Variants in GRIN1 observed in about 807,000 individuals in gnomAD.
GRIN1 encodes glutamate ionotropic receptor NMDA type subunit 1, also known as glutamate receptor ionotropic, NMDA 1.
A neutral mutation model predicts 103.0 loss-of-function variants in GRIN1; 38 were observed. That is an observed-to-expected ratio of 0.37 (90% CI 0.28 to 0.48). The LOEUF is 0.48. Ranked by LOEUF, GRIN1 falls within the 20% of genes least tolerant of loss-of-function variation. The pLI, the probability that GRIN1 is intolerant of heterozygous loss-of-function variation, is 0.98. For synonymous variants in GRIN1, 544 were observed against 532.7 expected (o/e 1.02, Z -0.29); for missense variants, 577 against 1,288.9 (o/e 0.45, Z 8.46).
chr9:137,168,055 G>A lies in GRIN1; in HGVS notation c.*528G>A, dbSNP rs1331586638. The stretch of plus-strand genomic sequence containing the variant: ...GCTGAGGACGGGGCAGAGCTGAGTC[G>A]GCTGGGCAGGGCCGCAGGGCGCTCC... On this transcript the variant is annotated 3_prime_UTR_variant, in exon 20 of 20. Transcript: ENST00000371561. 2 of 607,296 alleles carry A rather than the reference G, an allele frequency of 3.3e-6. No individual in the cohort carries two copies. Among genetic ancestry groups the A allele is most frequent in the East Asian group, 5.6e-5 (2 of 35,732 alleles). The allele number at this position is 607,296 out of a possible 1,614,324, so 37.6% of individuals were successfully genotyped here. A position where few individuals can be genotyped will look rare whatever the true frequency, so the allele number is the denominator to read the frequency against.
Position 137,162,386 on chromosome 9 carries a change from G to T in GRIN1, c.1752-18G>T. 6.4e-7 allele frequency: 1 copy of T among 1,554,026 alleles called. No individual in the cohort carries two copies. On this transcript the variant is annotated intron_variant, in intron 12 of 19. Coordinates refer to ENST00000371561, the MANE Select transcript of GRIN1 (RefSeq NM_007327.4). ...GCCTCTCCCGCCCTCTCTCCCGCCC[G>T]CCCTCTGCGCCCCGCAGCCCCTTCG...
At chr9:137,157,173 C>A in intron 6 of GRIN1, 136 bp downstream of exon 6, 3 of 702,662 alleles carry the variant, frequency 4.3e-6, no homozygotes, top group Non-Finnish European at 6.1e-6. Context: ...GCTCTCAGGA[C>A]TAGGCGGGGC....
At chr9:137,162,328 G>A in intron 12 of GRIN1, 38 bp downstream of exon 12, 2 of 1,551,312 alleles carry the variant, frequency 1.3e-6, no homozygotes, top group Non-Finnish European at 8.7e-7. Flanking sequence ...TCCATCTGCG[G>A]GGCGCGGAGC....
intron 18 of GRIN1, chr9:137,164,119 G>A (rs914794088): frequency 9.9e-5 from 62 of 629,150 alleles, no homozygotes; most frequent in Middle Eastern, 4.2e-4. Context: ...AGCCGGGGCC[G>A]AGGGAGGCCA....
chr9:137,149,109 G>A lies in GRIN1; in HGVS notation c.671G>A (p.Ser224Asn), dbSNP rs202241730. 8.8e-6 allele frequency: 14 copies of A among 1,596,342 alleles called. No individual in the cohort carries two copies. The highest frequency in any genetic ancestry group is 1.2e-5 in the Non-Finnish European group (14 of 1,167,724). ...LEARVIILSA[S>N]EDDAATVYRA... ...GCCCGGGTCATCATCCTTTCTGCCA[G>A]GTGAGGCTGGGCAGGGCCCTACACA... The change falls in exon 4 of 20, where the codon AGC becomes AAC. Residue 224 changes from serine to asparagine, a missense_variant and splice_region_variant. Around this residue, in one of 9 missense-constraint regions of GRIN1, gnomAD observed 308 missense variants for 553.6 expected, o/e 0.56. Coordinates refer to ENST00000371561, the MANE Select transcript of GRIN1 (RefSeq NM_007327.4).
At chr9:137,161,439 G>A in intron 10 of GRIN1, 23 bp downstream of exon 10, 1 of 1,604,652 alleles carries the variant, frequency 6.2e-7, no homozygotes, top group Non-Finnish European at 8.5e-7. Context: ...GCGGGGGTGG[G>A]GACCAGCGTG....
intron 10 of GRIN1, 136 bp downstream of exon 10, chr9:137,161,552 C>A: frequency 1.5e-6 from 1 of 671,304 alleles, no homozygotes; most frequent in Non-Finnish European, 2.4e-6. Flanking sequence ...GTGAGCGGAG[C>A]CTGCGGGCTG....
At position 137,168,129 on chromosome 9, in the gene GRIN1, A is replaced by T; in HGVS notation, c.*602A>T. On this transcript the variant is annotated 3_prime_UTR_variant, in exon 20 of 20. Transcript: ENST00000371561. The stretch of plus-strand genomic sequence containing the variant: ...TCTGAGCAGTGGGGAGCGGGGGCTA[A>T]CTGGCCCCAGGCGGAGGGGCTTGGA... 1 of 533,098 alleles carries T rather than the reference A, an allele frequency of 1.9e-6. No individual in the cohort carries two copies. The highest frequency in any genetic ancestry group is 3.3e-6 in the Non-Finnish European group (1 of 299,058). The allele number at this position is 533,098 out of a possible 1,614,324, so 33.0% of individuals were successfully genotyped here. A position where few individuals can be genotyped will look rare whatever the true frequency, so the allele number is the denominator to read the frequency against.
intron 4 of GRIN1, among the ~76,000 whole-genome samples, chr9:137,151,433 A>G (rs1433234027): frequency 1.5e-5 from 2 of 131,642 alleles, no homozygotes; most frequent in Non-Finnish European, 3.2e-5. Context: ...CAGAAAAAAG[A>G]CCAGCCCAGA....
Position 137,167,637 on chromosome 9 carries a change from G to T in GRIN1, c.*110G>T, listed in dbSNP as rs1258445884. 7.3e-6 allele frequency: 11 copies of T among 1,511,972 alleles called. No homozygotes were observed. The East Asian group carries it at 2.5e-4, about 34-fold the overall frequency. 93.7% of individuals were successfully genotyped at this position (1,511,972 alleles called of 1,614,324 possible). A position where few individuals can be genotyped will look rare whatever the true frequency, so the allele number is the denominator to read the frequency against. ...CCGGAGCACCACGGGGTCGGGGGAGGAGCACCCCCAGCCTCCCCCAGGCTG... is the reference window on the plus strand; with the variant it reads ...CCGGAGCACCACGGGGTCGGGGGAGTAGCACCCCCAGCCTCCCCCAGGCTG... On this transcript the variant is annotated 3_prime_UTR_variant, in exon 20 of 20. Transcript: ENST00000371561.
chr9:137,163,709 G>C (rs1200707686), intron 17 of GRIN1, 41 bp downstream of exon 17: 1 of 1,613,538 alleles, frequency 6.2e-7, no homozygotes, highest in East Asian at 2.2e-5. Context: ...GTTCTCCGTG[G>C]GCTGCGGCCT....
chr9:137,143,544 G>A (rs1832291378), intron 2 of GRIN1, among the ~76,000 whole-genome samples: 1 of 152,038 alleles, frequency 6.6e-6, no homozygotes, highest in Non-Finnish European at 1.5e-5. Flanking sequence ...GGAAACGGAT[G>A]CCCCTGGCCC....
At chr9:137,141,041 G>T (rs1219150304) in intron 1 of GRIN1, among the ~76,000 whole-genome samples, 1 of 152,194 alleles carries the variant, frequency 6.6e-6, no homozygotes, top group East Asian at 1.9e-4. Flanking sequence ...AGGAAATCCA[G>T]GAGGGGCCAT....
chr9:137,141,204 T>C (rs952429646), intron 1 of GRIN1, among the ~76,000 whole-genome samples: 1 of 152,164 alleles, frequency 6.6e-6, no homozygotes, highest in African/African-American at 2.4e-5. Context: ...CACGCCCCCA[T>C]TCGCCAAAGC....
intron 8 of GRIN1, among the ~76,000 whole-genome samples, chr9:137,160,825 C>A (rs186486522): frequency 6.6e-6 from 1 of 152,198 alleles, no homozygotes; most frequent in Non-Finnish European, 1.5e-5. Flanking sequence ...CCCACCCCCC[C>A]GGGGCTGCAG....
intron 16 of GRIN1, 43 bp from the exon 17 acceptor site, chr9:137,163,516 C>T: frequency 6.8e-7 from 1 of 1,465,526 alleles, no homozygotes; most frequent in Non-Finnish European, 9.6e-7. Flanking sequence ...CCTTCCCGTC[C>T]TGGGCCCCGC....
chr9:137,150,786 G>GA (rs569253911), intron 4 of GRIN1, among the ~76,000 whole-genome samples: 10 of 133,496 alleles, frequency 7.5e-5, no homozygotes, highest in Admixed American at 1.5e-4. Flanking sequence ...GCCCTGCCCA[G>GA]AAAAAAGACC....
intron 3 of GRIN1, 96 bp from the exon 4 acceptor site, chr9:137,148,913 G>A (rs1832691282): frequency 1.1e-6 from 1 of 873,944 alleles, no homozygotes; most frequent in Non-Finnish European, 1.9e-6. Flanking sequence ...TAGCTAAGCT[G>A]CCTCGGGGTT....
rs571318041 is a variant in GRIN1 at position 137,160,818 on chromosome 9, A to AC, written c.1198-231dup. Reference sequence around the variant, plus strand: ...AGTCTTTTCTGAGCCCCCAGCCCCCACCCCCCCGGGGCTGCAGGCAGACGA... The same window carrying AC: ...AGTCTTTTCTGAGCCCCCAGCCCCCACCCCCCCCGGGGCTGCAGGCAGACGA... On this transcript the variant is annotated intron_variant, in intron 8 of 19. Transcript: ENST00000371561. Among the ~76,000 whole-genome samples, 1,727 of 151,306 alleles carry AC rather than the reference A, an allele frequency of 0.011. 22 individuals carry two copies. The highest frequency in any genetic ancestry group is 0.017 in the Non-Finnish European group (1,177 of 67,822).
Sources: allele counts gnomAD v4.1 joint callset (sites outside exome capture counted in the v4.1 genomes callset), GRCh38; gene constraint gnomAD v4.1.1; regional missense constraint gnomAD v4.1.1; transcripts MANE v1.5; gene names NCBI Gene and HGNC (gene_info 2026-07-23, HGNC 2026-07-21).